Variants in FHL5 observed in about 807,000 individuals in gnomAD.
The protein encoded by FHL5 is four and a half LIM domains protein 5.
A neutral mutation model predicts 32.0 loss-of-function variants in FHL5; 33 were observed. The observed-to-expected ratio is 1.03, with a 90% CI of 0.78 to 1.38. The LOEUF (loss-of-function observed/expected upper bound fraction) is 1.38. Among genes scored for constraint, FHL5 ranks in the 40% most tolerant of loss-of-function variants. The pLI is 0.00. For missense variants in FHL5, 336 were observed against 343.9 expected, an observed-to-expected ratio of 0.98 and a Z score of 0.18; for synonymous variants, 114 against 113.6, an observed-to-expected ratio of 1.00 and a Z score of -0.02.
chr6:96,583,941 T>C (rs1770745249), intron 1 of FHL5, among the ~76,000 whole-genome samples: 1 of 152,168 alleles, frequency 6.6e-6, no homozygotes. Flanking sequence ...ATTCTATTCA[T>C]AGAATTCTTT....
At chr6:96,615,580 AT>A (rs754281851) in intron 5 of FHL5, 28 bp from the exon 6 acceptor site, 11 of 1,570,732 alleles carry the variant, frequency 7.0e-6, no homozygotes, top group Non-Finnish European at 9.5e-6. Context: ...GAAAGGATAG[AT>A]TAATCTTTTT....
At chr6:96,574,084 CT>C (rs1382489621) in intron 1 of FHL5, among the ~76,000 whole-genome samples, 11 of 152,014 alleles carry the variant, frequency 7.2e-5, no homozygotes, top group African/African-American at 2.4e-4. Context: ...CTATTTCACA[CT>C]TTTTTTCCCA....
rs149527154 is a variant in FHL5, at chr6:96,605,968, G to A, written c.401G>A (p.Arg134Gln). ...HETCFVCENC[R>Q]QPIGTKPLIS... ...ACCTGTTTTGTGTGTGAGAATTGCC[G>A]ACAACCTATAGGGACAAAGCCTTTG... The change falls in exon 4 of 6, where the codon CGA (arginine) becomes CAA (glutamine). Residue 134 changes from arginine to glutamine, a missense_variant. Physicochemically the swap from Arg to Gln is conservative, Grantham distance 43 (BLOSUM62 1). Transcript: ENST00000450218. 1.8e-5 allele frequency: 29 copies of A among 1,614,026 alleles called. No individual in the cohort carries two copies. The highest frequency in any genetic ancestry group is 1.1e-4 in the East Asian group (5 of 44,854).
exon 6 of FHL5, among the ~76,000 whole-genome samples, chr6:96,618,623 AAAAG>A (rs1279840231): frequency 6.6e-6 from 1 of 152,234 alleles, no homozygotes; most frequent in Non-Finnish European, 1.5e-5. Context: ...TACAAAAGTG[AAAAG>A]AAAGAGGAAG....
intron 5 of FHL5, among the ~76,000 whole-genome samples, chr6:96,614,003 T>G (rs952370368): frequency 6.6e-6 from 1 of 152,252 alleles, no homozygotes; most frequent in Non-Finnish European, 1.5e-5. Context: ...AAGACCTGCT[T>G]CATGAATGGC....
At chr6:96,610,331 T>C (rs1771372000) in intron 4 of FHL5, among the ~76,000 whole-genome samples, 1 of 152,212 alleles carries the variant, frequency 6.6e-6, no homozygotes, top group Admixed American at 6.5e-5. Flanking sequence ...TTAATTCCTA[T>C]AGCCTTTGGC....
Position 96,615,877 on chromosome 6 carries a change from T to G in FHL5, c.*105T>G. 1 of 983,862 alleles carries G rather than the reference T, an allele frequency of 1.0e-6. No homozygotes were observed. 60.9% of individuals were successfully genotyped at this position (983,862 alleles called of 1,614,324 possible). A position where few individuals can be genotyped will look rare whatever the true frequency, so the allele number is the denominator to read the frequency against. On this transcript the variant is annotated 3_prime_UTR_variant, in exon 6 of 6. Transcript: ENST00000450218. ...ACTTAAGTTTTAGAAAATATTCATG[T>G]AGTTTAGAGTGGAAAAGTTTTTGCA...
intron 2 of FHL5, 58 bp downstream of exon 2, chr6:96,603,830 G>C (rs926603930): frequency 1.5e-6 from 2 of 1,379,076 alleles, no homozygotes; most frequent in African/African-American, 1.4e-5. Flanking sequence ...AAGTGGGTTG[G>C]AGTGCCTCTT....
intron 4 of FHL5, 136 bp downstream of exon 4, chr6:96,606,207 T>C (rs549445991): frequency 3.2e-6 from 2 of 626,740 alleles, no homozygotes; most frequent in South Asian, 5.2e-5. Context: ...ACTTTCAACA[T>C]GTCCAAACCA....
At chr6:96,573,763 C>T (rs749382809) in intron 1 of FHL5, among the ~76,000 whole-genome samples, 56 of 151,874 alleles carry the variant, frequency 3.7e-4, no homozygotes, top group African/African-American at 1.3e-3. Flanking sequence ...CCTCATGATC[C>T]GCCCACATCA....
upstream of FHL5, chr6:96,562,788 A>C (rs1770275463): frequency 6.6e-6 from 1 of 152,220 alleles, no homozygotes; most frequent in Non-Finnish European, 1.5e-5. Context: ...CAATGTCCAA[A>C]AGAAAAGCTC....
chr6:96,571,146 A>G (rs1451740017), intron 1 of FHL5, among the ~76,000 whole-genome samples: 1 of 151,798 alleles, frequency 6.6e-6, no homozygotes, highest in African/African-American at 2.4e-5. Context: ...AGTGATTTTC[A>G]TAAAGAAAGT....
At chr6:96,594,349 C>T (rs951102467) in intron 1 of FHL5, among the ~76,000 whole-genome samples, 1 of 146,646 alleles carries the variant, frequency 6.8e-6, no homozygotes, top group African/African-American at 2.5e-5. Context: ...TACACATGTA[C>T]AATTTTTGTT....
intron 1 of FHL5, among the ~76,000 whole-genome samples, chr6:96,593,188 T>C (rs1770958558): frequency 6.6e-6 from 1 of 152,162 alleles, no homozygotes; most frequent in South Asian, 2.1e-4. Context: ...TCATTCTTTT[T>C]CATTGTTTTT....
At chr6:96,605,032 A>G in intron 3 of FHL5, 108 bp downstream of exon 3, 1 of 696,622 alleles carries the variant, frequency 1.4e-6, no homozygotes, top group South Asian at 2.7e-5. Context: ...TTTGAGAAAG[A>G]TATCTTTCTT....
At chr6:96,579,835 T>C (rs1212833208) in intron 1 of FHL5, among the ~76,000 whole-genome samples, 1 of 152,152 alleles carries the variant, frequency 6.6e-6, no homozygotes, top group Non-Finnish European at 1.5e-5. Context: ...GGTTGAGGTC[T>C]CCCCAGGTCT....
chr6:96,602,418 C>T (rs1344068469), intron 1 of FHL5, among the ~76,000 whole-genome samples: 3 of 93,728 alleles, frequency 3.2e-5, no homozygotes, highest in Non-Finnish European at 6.3e-5. Flanking sequence ...AATCTATATG[C>T]GTTGTTTCTT....
chr6:96,572,155 G>T (rs1452305273), intron 1 of FHL5, among the ~76,000 whole-genome samples: 1 of 152,150 alleles, frequency 6.6e-6, no homozygotes, highest in Non-Finnish European at 1.5e-5. Context: ...TGCCACTTCA[G>T]CTCAGGCTTG....
chr6:96,572,059 C>G (rs1045417218), intron 1 of FHL5, among the ~76,000 whole-genome samples: 1 of 152,122 alleles, frequency 6.6e-6, no homozygotes, highest in Non-Finnish European at 1.5e-5. Flanking sequence ...GAATCGAAGT[C>G]TAAAATTGTT....
Sources: gnomAD v4.1 joint callset for allele counts (sites outside exome capture counted in the v4.1 genomes callset) on GRCh38, gnomAD v4.1.1 for gene constraint, MANE v1.5 for transcripts, NCBI Gene and HGNC (gene_info 2026-07-23, HGNC 2026-07-21) for gene names.